The following CCDC63 variants were observed in gnomAD, a reference collection of about 807,000 sequenced individuals.
CCDC63 encodes coiled-coil domain containing 63, also known as coiled-coil domain-containing protein 63.
In CCDC63, 54 loss-of-function variants were observed where a neutral mutation model predicts 63.6. The observed-to-expected ratio is 0.85, with a 90% CI of 0.68 to 1.07. The LOEUF (loss-of-function observed/expected upper bound fraction) is 1.07, where lower values mean the gene tolerates loss of function less well. Among genes scored for constraint, CCDC63 ranks in the 50% least tolerant of loss-of-function variants. The pLI is 0.00. For missense variants in CCDC63, 637 were observed against 689.6 expected, an observed-to-expected ratio of 0.92 and a Z score of 0.86; for synonymous variants, 253 against 266.1, an observed-to-expected ratio of 0.95 and a Z score of 0.48.
intron 1 of CCDC63, among the ~76,000 whole-genome samples, chr12:110,852,272 G>T (rs558785585): frequency 7.9e-5 from 12 of 151,324 alleles, no homozygotes; most frequent in African/African-American, 2.9e-4. Flanking sequence ...CTTTTTTTTT[G>T]TGAGATGGAG....
intron 8 of CCDC63, among the ~76,000 whole-genome samples, chr12:110,886,478 T>C (rs1297687147): frequency 1.3e-5 from 2 of 152,076 alleles, no homozygotes; most frequent in Non-Finnish European, 2.9e-5. Context: ...AGGGACTGTT[T>C]CCAGACATCT....
chr12:110,866,800 T>C (rs1194347338), intron 4 of CCDC63, among the ~76,000 whole-genome samples: 10 of 147,204 alleles, frequency 6.8e-5, no homozygotes, highest in Middle Eastern at 3.5e-3. Flanking sequence ...AAGCCGCCAT[T>C]GTCATCCTGG....
At chr12:110,853,303 A>G (rs2070729425) in intron 2 of CCDC63, 102 bp from the exon 3 acceptor site, 1 of 1,204,790 alleles carries the variant, frequency 8.3e-7, no homozygotes, top group East Asian at 2.4e-5. Context: ...ACTTCTAGCC[A>G]TGGCCCAGCC....
intron 8 of CCDC63, among the ~76,000 whole-genome samples, chr12:110,885,528 C>T (rs1038469449): frequency 2.6e-5 from 4 of 152,226 alleles, no homozygotes; most frequent in Non-Finnish European, 4.4e-5. Context: ...CCTTTGCAGA[C>T]ACAGGTCCTG....
At chr12:110,871,307 A>AT (rs1254949864) in intron 4 of CCDC63, among the ~76,000 whole-genome samples, 1 of 151,814 alleles carries the variant, frequency 6.6e-6, no homozygotes, top group Non-Finnish European at 1.5e-5. Flanking sequence ...ACGCCTGGCT[A>AT]TTTTTTTGTA....
intron 9 of CCDC63, among the ~76,000 whole-genome samples, chr12:110,894,055 A>G (rs1359874633): frequency 6.6e-6 from 1 of 151,348 alleles, no homozygotes; most frequent in African/African-American, 2.4e-5. Context: ...TGGCACCTTT[A>G]TGATGTCATC....
chr12:110,867,955 G>A (rs1257903075), intron 4 of CCDC63, among the ~76,000 whole-genome samples: 1 of 149,090 alleles, frequency 6.7e-6, no homozygotes, highest in Non-Finnish European at 1.5e-5. Flanking sequence ...GCCGGGCGGA[G>A]GGGCTCCTCA....
In CCDC63 at chr12:110,853,902, T is replaced by C. The variant is rs11835439; in HGVS notation, c.179+328T>C. ...CCGCACATGACTTCTGTTCTCTCTC[T>C]CTCTGAATTTCAGCCTCAGCTGGTG... On this transcript the variant is annotated intron_variant, in intron 3 of 11. Coordinates refer to ENST00000308208, the MANE Select transcript of CCDC63 (RefSeq NM_152591.3). Among the ~76,000 whole-genome samples, 412 of 152,322 alleles carry C rather than the reference T, an allele frequency of 2.7e-3. 1 individual carries two copies. The highest frequency in any genetic ancestry group is 9.7e-3 in the African/African-American group (405 of 41,560).
chr12:110,898,392 G>A (rs1209914946), intron 9 of CCDC63, among the ~76,000 whole-genome samples: 2 of 150,542 alleles, frequency 1.3e-5, no homozygotes, highest in Non-Finnish European at 2.9e-5. Context: ...AGAGGCCAAC[G>A]TGGGCAGATC....
intron 8 of CCDC63, among the ~76,000 whole-genome samples, chr12:110,888,045 A>G (rs1465435611): frequency 3.9e-5 from 6 of 152,100 alleles, no homozygotes; most frequent in South Asian, 4.1e-4. Context: ...TCCCGCCCAC[A>G]TTCCCGCGGG....
intron 7 of CCDC63, among the ~76,000 whole-genome samples, chr12:110,883,693 G>T (rs1423502965): frequency 6.6e-6 from 1 of 152,164 alleles, no homozygotes; most frequent in East Asian, 1.9e-4. Context: ...AGGCTGGAGT[G>T]CAGTGGCGCA....
chr12:110,893,790 C>CT (rs1486672418), intron 9 of CCDC63, among the ~76,000 whole-genome samples: 2 of 152,090 alleles, frequency 1.3e-5, no homozygotes, highest in Non-Finnish European at 2.9e-5. Context: ...AGTTTATTTA[C>CT]TTTAAGAAAT....
intron 4 of CCDC63, among the ~76,000 whole-genome samples, chr12:110,864,759 G>A (rs1291474024): frequency 2.0e-5 from 3 of 152,088 alleles, no homozygotes; most frequent in African/African-American, 7.2e-5. Context: ...TTAGACCAGT[G>A]ATGCTCTATC....
At chr12:110,853,712 T>C in intron 3 of CCDC63, 138 bp downstream of exon 3, 1 of 861,984 alleles carries the variant, frequency 1.2e-6, no homozygotes. Flanking sequence ...CACGGTCTTT[T>C]ATCTGCAGAG....
intron 10 of CCDC63, among the ~76,000 whole-genome samples, chr12:110,902,837 C>G (rs980281301): frequency 2.6e-5 from 4 of 151,876 alleles, no homozygotes; most frequent in African/African-American, 9.7e-5. Flanking sequence ...CCTGCCTCAG[C>G]TTCCCGAGTA....
intron 9 of CCDC63, among the ~76,000 whole-genome samples, chr12:110,897,377 C>T (rs2071427139): frequency 6.6e-6 from 1 of 151,942 alleles, no homozygotes; most frequent in East Asian, 1.9e-4. Flanking sequence ...TTCTTCAGCT[C>T]AGGAGTTCAA....
At chr12:110,884,299 A>C in intron 8 of CCDC63, 49 bp downstream of exon 8, 1 of 1,492,950 alleles carries the variant, frequency 6.7e-7, no homozygotes, top group Non-Finnish European at 9.3e-7. Context: ...TGTCCACAGC[A>C]GCCTTTCCAG....
At chr12:110,886,231 A>G (rs2071276947) in intron 8 of CCDC63, among the ~76,000 whole-genome samples, 1 of 152,178 alleles carries the variant, frequency 6.6e-6, no homozygotes, top group Non-Finnish European at 1.5e-5. Flanking sequence ...TACTAAAAAT[A>G]CAAAAATGAG....
chr12:110,906,790 A>T (rs765230370), intron 11 of CCDC63, among the ~76,000 whole-genome samples: 1 of 152,114 alleles, frequency 6.6e-6, no homozygotes, highest in Non-Finnish European at 1.5e-5. Context: ...AGTTCCTAAA[A>T]GGTTGGGGGG....
Sources: allele counts gnomAD v4.1 joint callset (sites outside exome capture counted in the v4.1 genomes callset), GRCh38; gene constraint gnomAD v4.1.1; transcripts MANE v1.5; gene names NCBI Gene and HGNC (gene_info 2026-07-23, HGNC 2026-07-21).